Variants in CLDN10 observed in about 807,000 individuals in gnomAD.
The protein encoded by CLDN10 is claudin 10, also known as claudin-10.
In CLDN10, 15 loss-of-function variants were observed where a neutral mutation model predicts 22.9. The ratio of observed to expected loss-of-function variants is 0.65; its 90% CI spans 0.44 to 1.01. The LOEUF (loss-of-function observed/expected upper bound fraction) is 1.01, where lower values mean the gene tolerates loss of function less well. Among genes scored for constraint, CLDN10 ranks in the 50% least tolerant of loss-of-function variants. The pLI is 0.00. For synonymous variants in CLDN10, 114 were observed against 111.4 expected, an observed-to-expected ratio of 1.02 and a Z score of -0.15; for missense variants, 247 against 287.8, an observed-to-expected ratio of 0.86 and a Z score of 1.03.
intron 1 of CLDN10, among the ~76,000 whole-genome samples, chr13:95,554,262 G>C (rs1293831436): frequency 6.6e-6 from 1 of 152,144 alleles, no homozygotes; most frequent in Non-Finnish European, 1.5e-5. Flanking sequence ...AGATGAACAG[G>C]CATTCTCTTG....
chr13:95,460,942 C>A (rs2139089064), intron 1 of CLDN10, among the ~76,000 whole-genome samples: 1 of 152,200 alleles, frequency 6.6e-6, no homozygotes, highest in East Asian at 1.9e-4. Context: ...AACCCCATCT[C>A]TACTAAAAAT....
intron 1 of CLDN10, 152 bp downstream of exon 1, chr13:95,553,125 G>C: frequency 8.7e-7 from 1 of 1,146,892 alleles, no homozygotes; most frequent in Non-Finnish European, 1.2e-6. Context: ...TAGGGAGCCA[G>C]GGACGCTCCT....
chr13:95,434,457 C>CTA (rs66521052), intron 1 of CLDN10, among the ~76,000 whole-genome samples: 2 of 131,318 alleles, frequency 1.5e-5, no homozygotes, highest in African/African-American at 3.3e-5. Flanking sequence ...CTCTCTCTCT[C>CTA]TATATATATA....
chr13:95,554,387 T>C (rs77843951), intron 1 of CLDN10, among the ~76,000 whole-genome samples: 16,489 of 146,928 alleles, frequency 0.11, 1,169 homozygotes, highest in Non-Finnish European at 0.16. Context: ...TGTAGGACAG[T>C]TGGGGGACAA....
In CLDN10 at chr13:95,449,096, T is replaced by C. The variant is rs539991970; in HGVS notation, c.214+15049T>C. Among the ~76,000 whole-genome samples the C allele has an allele frequency of 3.3e-5, 5 of 152,186 alleles. No homozygotes were observed. In the East Asian group the frequency reaches 9.7e-4, roughly 29 times the overall value. On this transcript the variant is annotated intron_variant, in intron 1 of 4. Coordinates refer to the CLDN10 transcript ENST00000376873. Reference sequence around the variant, plus strand: ...CTTCCAGGTCTCCCAGCTTGGAGTCTGGCAAATTGTAAATACTCCATAATG... The same window carrying C: ...CTTCCAGGTCTCCCAGCTTGGAGTCCGGCAAATTGTAAATACTCCATAATG...
At chr13:95,468,054 A>G (rs1022132321) in intron 1 of CLDN10, among the ~76,000 whole-genome samples, 1 of 152,148 alleles carries the variant, frequency 6.6e-6, no homozygotes, top group Non-Finnish European at 1.5e-5. Context: ...TATTAATCTC[A>G]TCTAAAAACG....
intron 1 of CLDN10, among the ~76,000 whole-genome samples, chr13:95,467,456 C>T (rs1189140656): frequency 6.6e-6 from 1 of 152,104 alleles, no homozygotes; most frequent in Non-Finnish European, 1.5e-5. Flanking sequence ...TAAGGCTCTT[C>T]CATTGCATTT....
intron 1 of CLDN10, among the ~76,000 whole-genome samples, chr13:95,467,002 G>A (rs1009245915): frequency 1.3e-5 from 2 of 148,220 alleles, no homozygotes; most frequent in Non-Finnish European, 3.0e-5. Context: ...TCAGCCTCCC[G>A]AGTAGCTAGG....
At chr13:95,517,472 C>G (rs187461023) in intron 1 of CLDN10, among the ~76,000 whole-genome samples, 199 of 152,300 alleles carry the variant, frequency 1.3e-3, no homozygotes, top group African/African-American at 4.6e-3. Context: ...CCAAAGGGAA[C>G]TAAGACACTG....
chr13:95,567,008 G>A (rs997804515), intron 3 of CLDN10, among the ~76,000 whole-genome samples: 1 of 152,192 alleles, frequency 6.6e-6, no homozygotes, highest in Non-Finnish European at 1.5e-5. Context: ...GTACCCTGCT[G>A]TTTTGGTTAC....
At chr13:95,503,430 T>C (rs1451709522) in intron 1 of CLDN10, among the ~76,000 whole-genome samples, 1 of 152,186 alleles carries the variant, frequency 6.6e-6, no homozygotes. Flanking sequence ...GAGCTGTCCA[T>C]AGGTTCCTCA....
intron 3 of CLDN10, 136 bp downstream of exon 3, chr13:95,560,599 CAAGATT>C (rs1233465355): frequency 2.9e-6 from 2 of 683,414 alleles, no homozygotes; most frequent in African/African-American, 1.8e-5. Context: ...TGACATCATT[CAAGATT>C]AAATGTGTCA....
chr13:95,436,200 T>A (rs2042269791), intron 1 of CLDN10, among the ~76,000 whole-genome samples: 1 of 152,192 alleles, frequency 6.6e-6, no homozygotes. Flanking sequence ...TTTATTGTTT[T>A]TGAGACAGAA....
intron 1 of CLDN10, among the ~76,000 whole-genome samples, chr13:95,439,589 C>T (rs533898025): frequency 1.3e-5 from 2 of 152,250 alleles, no homozygotes; most frequent in South Asian, 4.1e-4. Context: ...CTGCCTCAGC[C>T]TCCCAAAATG....
chr13:95,523,872 T>TA (rs1342487769), intron 1 of CLDN10, among the ~76,000 whole-genome samples: 2 of 152,222 alleles, frequency 1.3e-5, no homozygotes, highest in Non-Finnish European at 2.9e-5. Flanking sequence ...CCTTGACCTC[T>TA]ACACATGAGA....
chr13:95,570,050 T>A (rs2043835311), intron 3 of CLDN10, among the ~76,000 whole-genome samples: 1 of 152,250 alleles, frequency 6.6e-6, no homozygotes, highest in Non-Finnish European at 1.5e-5. Context: ...CAAGTCCATC[T>A]GTATATTTTT....
chr13:95,533,075 C>T (rs547749579), intron 1 of CLDN10, among the ~76,000 whole-genome samples: 9 of 151,910 alleles, frequency 5.9e-5, no homozygotes, highest in African/African-American at 2.2e-4. Flanking sequence ...AGTGAATGTA[C>T]ACTTAAGATT....
upstream of CLDN10, chr13:95,552,603 G>C: frequency 1.0e-6 from 1 of 961,370 alleles, no homozygotes; most frequent in South Asian, 2.1e-5. Flanking sequence ...GAGGGGTCGC[G>C]TGCGCCCCCT....
rs2042449628 is a variant in CLDN10, at chr13:95,453,267, TCTC to T, written c.214+19223_214+19225del. ...ATCAATATTTGTAATTATCTCCTCTTCTCCTACCTGCTCTTGTCTGTCGGGAGA... is the reference window on the plus strand; with the variant it reads ...ATCAATATTTGTAATTATCTCCTCTTCTACCTGCTCTTGTCTGTCGGGAGA... On this transcript the variant is annotated intron_variant, in intron 1 of 4. Coordinates refer to the CLDN10 transcript ENST00000376873. Among the ~76,000 whole-genome samples, 3 of 152,146 alleles carry T rather than the reference TCTC, an allele frequency of 2.0e-5. 1 individual carries two copies. The highest frequency in any genetic ancestry group is 2.0e-4 in the Admixed American group (3 of 15,268).
Sources: allele counts gnomAD v4.1 joint callset (sites outside exome capture counted in the v4.1 genomes callset), GRCh38; gene constraint gnomAD v4.1.1; transcripts MANE v1.5; gene names NCBI Gene and HGNC (gene_info 2026-07-23, HGNC 2026-07-21).